Variants in CEP63 observed in about 807,000 individuals in gnomAD.
CEP63 encodes the protein centrosomal protein 63, also known as centrosomal protein of 63 kDa.
Under a neutral mutation model 89.1 loss-of-function variants are expected in CEP63, and 84 were observed. The ratio of observed to expected loss-of-function variants is 0.94; its 90% confidence interval spans 0.79 to 1.13. The LOEUF (loss-of-function observed/expected upper bound fraction) is 1.13. CEP63 is among the 50% of genes most tolerant of loss of function. The pLI is 0.00. For missense variants in CEP63, 838 were observed against 813.3 expected (o/e 1.03, Z -0.37); for synonymous variants, 267 against 272.5 (o/e 0.98, Z 0.20).
the CEP63 span, among the ~76,000 whole-genome samples, chr3:134,649,256 G>A: frequency 6.6e-6 from 1 of 152,160 alleles, no homozygotes; most frequent in Non-Finnish European, 1.5e-5. Flanking sequence ...TCACTAGTGT[G>A]CATACATGAG....
intron 12 of CEP63, among the ~76,000 whole-genome samples, chr3:134,553,929 C>G (rs1485128571): frequency 9.7e-4 from 1 of 1,030 alleles, no homozygotes; most frequent in African/African-American, 1.1e-3. Flanking sequence ...TTGAAATAAA[C>G]TATATTTATT....
At chr3:134,485,976 G>A (rs570000370), upstream of CEP63, 2 of 944,386 alleles carry the variant, frequency 2.1e-6, no homozygotes, top group African/African-American at 2.2e-5. Context: ...CGCGGCAGAC[G>A]CTTGCTCCTG....
chr3:134,734,394 C>T, the CEP63 span, among the ~76,000 whole-genome samples: 4 of 152,232 alleles, frequency 2.6e-5, no homozygotes, highest in South Asian at 6.2e-4. Context: ...ATGATTGGTT[C>T]TTCTTATATA....
At chr3:134,716,521 AT>A in the CEP63 span, among the ~76,000 whole-genome samples, 8 of 152,118 alleles carry the variant, frequency 5.3e-5, no homozygotes, top group Non-Finnish European at 1.0e-4. Flanking sequence ...CCTTCCTGTC[AT>A]GCATAGTTTG....
chr3:134,614,044 C>T, the CEP63 span, among the ~76,000 whole-genome samples: 2 of 152,174 alleles, frequency 1.3e-5, no homozygotes, highest in Non-Finnish European at 2.9e-5. Flanking sequence ...TCAGTGGCTG[C>T]CCTAGATGTG....
At chr3:134,532,116 A>AACT (rs1259334299) in intron 4 of CEP63, among the ~76,000 whole-genome samples, 176 bp downstream of exon 4, 1 of 152,242 alleles carries the variant, frequency 6.6e-6, no homozygotes, top group Non-Finnish European at 1.5e-5. Flanking sequence ...AGGTTTGCCT[A>AACT]ACTGTAGGTT....
At chr3:134,513,182 G>A (rs1241724597) in intron 3 of CEP63, among the ~76,000 whole-genome samples, 1 of 152,076 alleles carries the variant, frequency 6.6e-6, no homozygotes, top group East Asian at 1.9e-4. Context: ...TATTCTGGAG[G>A]TTTTCTGTGC....
intron 14 of CEP63, among the ~76,000 whole-genome samples, chr3:134,560,650 C>G (rs1210105932): frequency 6.6e-6 from 1 of 152,130 alleles, no homozygotes; most frequent in African/African-American, 2.4e-5. Flanking sequence ...AACCTCATGT[C>G]TCTCATGTGA....
the CEP63 span, among the ~76,000 whole-genome samples, chr3:134,739,437 T>TTA: frequency 6.6e-6 from 1 of 152,124 alleles, no homozygotes; most frequent in African/African-American, 2.4e-5. Context: ...CAAGAAACTC[T>TTA]TATATATATA....
the CEP63 span, among the ~76,000 whole-genome samples, chr3:134,755,176 G>A: frequency 1.3e-5 from 2 of 152,308 alleles, no homozygotes; most frequent in East Asian, 1.9e-4. Flanking sequence ...GGAGATGGGA[G>A]CACTTCAACA....
the CEP63 span, among the ~76,000 whole-genome samples, chr3:134,616,123 C>T: frequency 6.6e-6 from 1 of 152,304 alleles, no homozygotes; most frequent in South Asian, 2.1e-4. Flanking sequence ...GCAGAATCAA[C>T]TAAGGATGCA....
Position 134,545,567 on chromosome 3 carries a change from T to C in CEP63, c.556-19T>C. The C allele has an allele frequency of 6.5e-7, 1 of 1,537,060 alleles. No individual in the cohort carries two copies. On this transcript the variant is annotated intron_variant, in intron 6 of 14. Transcript: ENST00000675561. Reference sequence around the variant, plus strand: ...TATCATTTCCCTTTTACCTATTGATTGATAGTCTGTGTTTCTAGGCTCAGC... The same window carrying C: ...TATCATTTCCCTTTTACCTATTGATCGATAGTCTGTGTTTCTAGGCTCAGC...
Position 134,564,712 on chromosome 3 carries a change from T to C in CEP63, c.*3177T>C. The C allele has an allele frequency of 1.0e-6, 1 of 985,426 alleles. No individual in the cohort carries two copies. The highest frequency in any genetic ancestry group is 1.7e-5 in the African/African-American group (1 of 57,372). The allele number at this position is 985,426 out of a possible 1,614,324, so 61.0% of individuals were successfully genotyped here. A position where few individuals can be genotyped will look rare whatever the true frequency, so the allele number is the denominator to read the frequency against. On this transcript the variant is annotated 3_prime_UTR_variant, in exon 15 of 15. Transcript: ENST00000675561. Reference sequence around the variant, plus strand: ...GTTTTAAGTACTGTACCTATGTGCATTGCTGTTACATTCAGGAGATTTCTG... The same window carrying C: ...GTTTTAAGTACTGTACCTATGTGCACTGCTGTTACATTCAGGAGATTTCTG...
At chr3:134,590,143 T>C (rs919852023), downstream of CEP63, among the ~76,000 whole-genome samples, 1 of 152,110 alleles carries the variant, frequency 6.6e-6, no homozygotes, top group Non-Finnish European at 1.5e-5. Context: ...ACTATGCTTA[T>C]CACCTGGGCG....
At chr3:134,722,522 T>C in the CEP63 span, among the ~76,000 whole-genome samples, 1 of 152,128 alleles carries the variant, frequency 6.6e-6, no homozygotes, top group East Asian at 1.9e-4. Flanking sequence ...TTGTTGATTT[T>C]CATATTGTTT....
At position 134,564,925 on chromosome 3, in the gene CEP63, G is replaced by A. The variant is rs573024821; in HGVS notation, c.*3390G>A. ...TTTTTTAAAGCTGAAGTATCTAATA[G>A]TTAATGGGTTGTCCAAATTTGTCAG... On this transcript the variant is annotated 3_prime_UTR_variant, in exon 15 of 15. Coordinates refer to ENST00000675561, the MANE Select transcript of CEP63 (RefSeq NM_001353108.3). 1.0e-6 allele frequency: 1 copy of A among 983,920 alleles called. No homozygotes were observed. Among genetic ancestry groups the A allele is most frequent in the African/African-American group, 1.7e-5 (1 of 57,326 alleles). 60.9% of individuals were successfully genotyped at this position (983,920 alleles called of 1,614,324 possible). A position where few individuals can be genotyped will look rare whatever the true frequency, so the allele number is the denominator to read the frequency against.
intron 11 of CEP63, among the ~76,000 whole-genome samples, chr3:134,572,066 A>T (rs1453556999): frequency 6.6e-6 from 1 of 152,094 alleles, no homozygotes; most frequent in African/African-American, 2.4e-5. Context: ...AGTTCATGGA[A>T]CCCTAAATTG....
At chr3:134,701,355 TATATATAC>T in the CEP63 span, among the ~76,000 whole-genome samples, 1 of 21,584 alleles carries the variant, frequency 4.6e-5, no homozygotes, top group Non-Finnish European at 1.7e-4. Context: ...TATATATGTG[TATATATAC>T]ATATACACAC....
intron 2 of CEP63, 122 bp from the exon 3 acceptor site, chr3:134,506,987 C>T (rs535018578): frequency 9.5e-6 from 4 of 422,672 alleles, no homozygotes; most frequent in Admixed American, 6.4e-5. Context: ...TATTAATTTA[C>T]ATTAATGTCA....
Sources: allele counts gnomAD v4.1 joint callset (sites outside exome capture counted in the v4.1 genomes callset), GRCh38; gene constraint gnomAD v4.1.1; transcripts MANE v1.5; gene names NCBI Gene and HGNC (gene_info 2026-07-23, HGNC 2026-07-21).